Variants in SLC67A2 observed in about 807,000 individuals in gnomAD.
The protein encoded by SLC67A2 is solute carrier family 67 member A2.
At chr2:102,721,703 ATATATG>A in the SLC67A2 span, among the ~76,000 whole-genome samples, 2 of 151,180 alleles carry the variant, frequency 1.3e-5, no homozygotes, top group Admixed American at 6.6e-5. Context: ...GTCTGTATGT[ATATATG>A]TATGTCTTTA....
chr2:102,719,929 C>G, the SLC67A2 span, among the ~76,000 whole-genome samples: 7 of 152,174 alleles, frequency 4.6e-5, no homozygotes, highest in Non-Finnish European at 1.0e-4. Context: ...TCAGGGGGCA[C>G]CATTCTCATA....
At chr2:102,732,431 T>C in the SLC67A2 span, 9 of 1,574,018 alleles carry the variant, frequency 5.7e-6, no homozygotes, top group African/African-American at 1.4e-5. Flanking sequence ...TAAATGCTGA[T>C]GGACTCAAAT....
At chr2:102,719,593 CATCT>C in the SLC67A2 span, among the ~76,000 whole-genome samples, 1 of 152,186 alleles carries the variant, frequency 6.6e-6, no homozygotes, top group Non-Finnish European at 1.5e-5. Context: ...AACATCCATC[CATCT>C]ATCCAACCAT....
chr2:102,724,298 TA>T, the SLC67A2 span, among the ~76,000 whole-genome samples: 12 of 152,228 alleles, frequency 7.9e-5, no homozygotes, highest in Admixed American at 1.3e-4. Flanking sequence ...ATTGAGCCAA[TA>T]TTTACTGCAT....
the SLC67A2 span, among the ~76,000 whole-genome samples, chr2:102,725,900 C>G: frequency 6.6e-6 from 1 of 151,998 alleles, no homozygotes; most frequent in Non-Finnish European, 1.5e-5. Flanking sequence ...TGCCCAATGC[C>G]CCTGACTTGT....
chr2:102,717,197 T>C, the SLC67A2 span: 1 of 91,964 alleles, frequency 1.1e-5, no homozygotes, highest in Non-Finnish European at 2.9e-5. Context: ...GCCCGGCTAA[T>C]TTTTTTTTTG....
chr2:102,730,048 C>G, the SLC67A2 span, among the ~76,000 whole-genome samples: 3 of 152,176 alleles, frequency 2.0e-5, no homozygotes, highest in African/African-American at 7.2e-5. Context: ...ATAGACTATT[C>G]TACTGAACCG....
chr2:102,727,858 T>G, the SLC67A2 span, among the ~76,000 whole-genome samples: 6 of 152,240 alleles, frequency 3.9e-5, no homozygotes, highest in African/African-American at 4.8e-5. Flanking sequence ...ATCTACAGAT[T>G]TGTTAAGCAG....
chr2:102,731,331 C>T, the SLC67A2 span, among the ~76,000 whole-genome samples: 3 of 151,776 alleles, frequency 2.0e-5, no homozygotes, highest in South Asian at 6.2e-4. Context: ...CAAAAGGTGA[C>T]GTTATGGACG....
chr2:102,733,162 T>C, the SLC67A2 span, among the ~76,000 whole-genome samples: 1 of 152,238 alleles, frequency 6.6e-6, no homozygotes. Context: ...CAGGTCCTTT[T>C]TGCTAGGTAT....
chr2:102,719,034 C>T, the SLC67A2 span: 3 of 1,614,242 alleles, frequency 1.9e-6, no homozygotes, highest in South Asian at 2.2e-5. Context: ...AAGGCCAACA[C>T]TACTTCGACC....
the SLC67A2 span, among the ~76,000 whole-genome samples, chr2:102,728,737 T>C: frequency 6.6e-6 from 1 of 152,186 alleles, no homozygotes. Context: ...GAACTCATCA[T>C]TCCTTCCACC....
At chr2:102,720,531 G>A in the SLC67A2 span, among the ~76,000 whole-genome samples, 3 of 152,098 alleles carry the variant, frequency 2.0e-5, no homozygotes, top group South Asian at 6.2e-4. Context: ...GAAACGCTAA[G>A]AAAATATTAA....
chr2:102,718,183 T>C, the SLC67A2 span: 23 of 529,794 alleles, frequency 4.3e-5, no homozygotes, highest in Admixed American at 5.9e-4. Context: ...ACGCTGAATA[T>C]GCTCACCTTG....
At chr2:102,730,621 C>A in the SLC67A2 span, among the ~76,000 whole-genome samples, 1 of 150,818 alleles carries the variant, frequency 6.6e-6, no homozygotes, top group East Asian at 2.0e-4. Context: ...CGGCTCACTG[C>A]AAACTCCGCC....
At chr2:102,736,776 G>A in the SLC67A2 span, 43 of 1,613,390 alleles carry the variant, frequency 2.7e-5, no homozygotes, top group Non-Finnish European at 3.2e-5. Context: ...CAGCCTCGGG[G>A]CCGAGTTCAT....
At chr2:102,727,013 A>G in the SLC67A2 span, 5 of 1,604,026 alleles carry the variant, frequency 3.1e-6, no homozygotes, top group African/African-American at 4.0e-5. Flanking sequence ...CCCCATTCAC[A>G]GTAACGACTA....
At chr2:102,719,345 T>A in the SLC67A2 span, 1 of 852,456 alleles carries the variant, frequency 1.2e-6, no homozygotes, top group African/African-American at 1.7e-5. Context: ...TGTATTTTTG[T>A]ATCTAGTCTT....
the SLC67A2 span, among the ~76,000 whole-genome samples, chr2:102,734,573 C>T: frequency 1.7e-3 from 260 of 152,128 alleles, 9 homozygotes; most frequent in East Asian, 0.046. Context: ...TATAATGTTC[C>T]TTAGATGTTA....
Sources: allele counts gnomAD v4.1 joint callset (sites outside exome capture counted in the v4.1 genomes callset), GRCh38; gene constraint gnomAD v4.1.1; transcripts MANE v1.5; gene names NCBI Gene and HGNC (gene_info 2026-07-23, HGNC 2026-07-21).